The following CACNA2D4 variants were observed in gnomAD, a reference collection of about 807,000 sequenced individuals.
CACNA2D4 encodes the protein calcium voltage-gated channel auxiliary subunit alpha2delta 4.
In CACNA2D4, 157 loss-of-function variants were observed where a neutral mutation model predicts 163.8. The observed-to-expected ratio is 0.96, with a 90% CI of 0.84 to 1.09. CACNA2D4 has a LOEUF of 1.09. Ranked by LOEUF, CACNA2D4 falls within the 50% of genes least tolerant of loss-of-function variation. CACNA2D4 has a pLI of 0.00. For missense variants in CACNA2D4, 1,410 were observed against 1,479.9 expected, an observed-to-expected ratio of 0.95 and a Z score of 0.78; for synonymous variants, 598 against 586.9, an observed-to-expected ratio of 1.02 and a Z score of -0.27.
At chr12:1,886,809 C>A (rs1467395640) in intron 7 of CACNA2D4, among the ~76,000 whole-genome samples, 200 bp downstream of exon 7, 1 of 152,140 alleles carries the variant, frequency 6.6e-6, no homozygotes, top group Non-Finnish European at 1.5e-5. Flanking sequence ...CAAACATGAT[C>A]AGTCCTGGAG....
Position 1,806,786 on chromosome 12 carries a change from A to C in CACNA2D4, c.2721+3492T>G, listed in dbSNP as rs1863552936. 6.6e-6 allele frequency among the ~76,000 whole-genome samples: 1 copy of C among 152,164 alleles called. No individual in the cohort carries two copies. The highest frequency in any genetic ancestry group is 6.5e-5 in the Admixed American group (1 of 15,282). On this transcript the variant is annotated intron_variant, in intron 29 of 37. Transcript: ENST00000382722. The surrounding 1 kb of genome is among the most constrained non-coding windows in gnomAD (Gnocchi z 4.1). ...CCTAGGTCTGGGGTGGGACCCTGGC[A>C]AATCTGCATCTCTAACAAGCTCCCA...
rs550017158 is a variant in CACNA2D4, at chr12:1,883,004, C to A, written c.1352-4G>T. 2 of 1,611,642 alleles carry A rather than the reference C, an allele frequency of 1.2e-6. No individual in the cohort carries two copies. The highest frequency in any genetic ancestry group is 1.7e-6 in the Non-Finnish European group (2 of 1,178,946). ...GTTGAGATCTGCGTGTAGTAGCCTGCGGTGGGGAAGGCCGCGTGGGTGTGG... is the reference window on the plus strand; with the variant it reads ...GTTGAGATCTGCGTGTAGTAGCCTGAGGTGGGGAAGGCCGCGTGGGTGTGG... On this transcript the variant is annotated splice_polypyrimidine_tract_variant and splice_region_variant and intron_variant, in intron 12 of 37. Coordinates refer to ENST00000382722, the MANE Select transcript of CACNA2D4 (RefSeq NM_172364.5). The surrounding 1 kb of genome is among the most constrained non-coding windows in gnomAD (Gnocchi z 4.5).
rs992361484 is a variant in CACNA2D4, at chr12:1,792,518, A to T, written c.*1137T>A. ...CATCACTGGGGTTTGTTAAATGGAA[A>T]GATTTGAGGCCGGCCTCTCCCACAT... On this transcript the variant is annotated 3_prime_UTR_variant, in exon 38 of 38. Coordinates refer to ENST00000382722, the MANE Select transcript of CACNA2D4 (RefSeq NM_172364.5). 3.3e-5 allele frequency: 5 copies of T among 152,246 alleles called. No individual in the cohort carries two copies. The highest frequency in any genetic ancestry group is 5.9e-5 in the Non-Finnish European group (4 of 68,082). 9.4% of individuals were successfully genotyped at this position (152,246 alleles called of 1,614,324 possible). A position where few individuals can be genotyped will look rare whatever the true frequency, so the allele number is the denominator to read the frequency against.
At chr12:1,866,381 C>A (rs768791611) in intron 18 of CACNA2D4, among the ~76,000 whole-genome samples, 7 of 152,204 alleles carry the variant, frequency 4.6e-5, no homozygotes, top group Non-Finnish European at 8.8e-5. Context: ...ACAAACCCCA[C>A]AATGCAACAT....
At position 1,878,229 on chromosome 12, in the gene CACNA2D4, G is replaced by A; in HGVS notation, c.1719+86C>T. On this transcript the variant is annotated intron_variant, in intron 16 of 37. Transcript: ENST00000382722. This position sits in a 1 kb window ranked among gnomAD's most constrained non-coding sequence, Gnocchi z 4.6. ...ACTGGGTTCCTAAATGGAGCCCAAT[G>A]TGTGTTTGTTGTTTTAATCGTTTTT... is the stretch of plus-strand genomic sequence containing the variant. The A allele has an allele frequency of 6.9e-7, 1 of 1,448,562 alleles. No homozygotes were observed. Among genetic ancestry groups the A allele is most frequent in the Non-Finnish European group, 9.5e-7 (1 of 1,052,966 alleles). The allele number at this position is 1,448,562 out of a possible 1,614,324, so 89.7% of individuals were successfully genotyped here.
chr12:1,918,528 G>A lies in CACNA2D4; in HGVS notation c.-55C>T, dbSNP rs1054787872. ...AGGACGCCCCAGGCCTTTGTCTTCCGTGCCTTGGCGAGCCTGGGGTCTCCA... is the reference window on the plus strand; with the variant it reads ...AGGACGCCCCAGGCCTTTGTCTTCCATGCCTTGGCGAGCCTGGGGTCTCCA... On this transcript the variant is annotated 5_prime_UTR_variant, in exon 1 of 38. In the 5' UTR this introduces an upstream ATG that the reference lacks. Coordinates refer to ENST00000382722, the MANE Select transcript of CACNA2D4 (RefSeq NM_172364.5). The A allele has an allele frequency of 6.1e-5, 87 of 1,419,236 alleles. No homozygotes were observed. The highest frequency in any genetic ancestry group is 8.6e-5 in the African/African-American group (6 of 69,474). The allele number at this position is 1,419,236 out of a possible 1,614,324, so 87.9% of individuals were successfully genotyped here.
At position 1,795,336 on chromosome 12, in the gene CACNA2D4, C is replaced by T. The variant is rs772642356; in HGVS notation, c.3272G>A (p.Arg1091His). Residue 1091 changes from arginine to histidine, a missense_variant, in exon 37 of 38, where the codon CGC (arginine) becomes CAC (histidine). Arg to His is a conservative substitution (Grantham distance 29). Coordinates refer to ENST00000382722, the MANE Select transcript of CACNA2D4 (RefSeq NM_172364.5). The part of the protein sequence containing the change: ...KCDRMRSQKL[R>H]RRPDSCHAFH... ...GGCGTGGCAGGAGTCTGGTCGCCGG[C>T]GGAGCTTCTGGGAGCGCATCCGGTC... 7 of 1,612,682 alleles carry T rather than the reference C, an allele frequency of 4.3e-6. No individual in the cohort carries two copies. In the African/African-American group the frequency reaches 5.3e-5, roughly 12 times the overall value.
Position 1,820,749 on chromosome 12 carries a change from A to T in CACNA2D4, c.2552-9026T>A, listed in dbSNP as rs2154446350. On this transcript the variant is annotated intron_variant, in intron 26 of 37. Coordinates refer to ENST00000382722, the MANE Select transcript of CACNA2D4 (RefSeq NM_172364.5). The surrounding 1 kb of genome is among the most constrained non-coding windows in gnomAD (Gnocchi z 6.0). ...GTGTCTGGATTTCTATAGGAATCCC[A>T]GGAGGGTCTTACTGGAGGGTTGAGA... 1 of 152,488 alleles carries T rather than the reference A, an allele frequency of 6.6e-6. No homozygotes were observed. Among genetic ancestry groups the T allele is most frequent in the East Asian group, 1.9e-4 (1 of 5,202 alleles). The allele number at this position is 152,488 out of a possible 1,614,324, so 9.4% of individuals were successfully genotyped here. A position where few individuals can be genotyped will look rare whatever the true frequency, so the allele number is the denominator to read the frequency against.
intron 20 of CACNA2D4, 26 bp downstream of exon 20, chr12:1,858,550 GT>G: frequency 1.2e-6 from 2 of 1,607,348 alleles, no homozygotes; most frequent in Non-Finnish European, 1.7e-6. Context: ...CTGCTTAACT[GT>G]CCCTCAGCCC....
chr12:1,888,170 A>T (rs1990232), intron 6 of CACNA2D4, among the ~76,000 whole-genome samples: 3 of 152,078 alleles, frequency 2.0e-5, no homozygotes, highest in Non-Finnish European at 4.4e-5. Context: ...TCCTGAGGCC[A>T]CATTCTTACA....
rs1863388378 is a variant in CACNA2D4 at position 1,802,893 on chromosome 12, G to T, written c.2722-1249C>A. On this transcript the variant is annotated intron_variant, in intron 29 of 37. Transcript: ENST00000382722. The surrounding 1 kb of genome is among the most constrained non-coding windows in gnomAD (Gnocchi z 4.7). Reference sequence around the variant, plus strand: ...TCTCACTCTGCCTGATAAGATATTTGGTTGAAAACTGTATGAGAACAGGAC... The same window carrying T: ...TCTCACTCTGCCTGATAAGATATTTTGTTGAAAACTGTATGAGAACAGGAC... Among the ~76,000 whole-genome samples the T allele has an allele frequency of 6.6e-6, 1 of 152,150 alleles. No homozygotes were observed. The highest frequency in any genetic ancestry group is 2.1e-4 in the South Asian group (1 of 4,822).
At chr12:1,809,106 T>A (rs1863630128) in intron 29 of CACNA2D4, among the ~76,000 whole-genome samples, 1 of 152,232 alleles carries the variant, frequency 6.6e-6, no homozygotes, top group African/African-American at 2.4e-5. Flanking sequence ...AGGAGTTAGA[T>A]TTCATGACCC....
In CACNA2D4 at chr12:1,856,070, C is replaced by A. The variant is rs751874126; in HGVS notation, c.2094G>T (p.Lys698Asn). 7 of 1,614,038 alleles carry A rather than the reference C, an allele frequency of 4.3e-6. No homozygotes were observed. Among genetic ancestry groups the A allele is most frequent in the African/African-American group, 2.7e-5 (2 of 75,066 alleles). The change falls in exon 22 of 38, where the codon AAG becomes AAT. Residue 698 changes from lysine (K) to asparagine (N), a missense_variant. Lys to Asn is a moderately conservative substitution (Grantham distance 94). Coordinates refer to ENST00000382722, the MANE Select transcript of CACNA2D4 (RefSeq NM_172364.5). ...CITDIDPDHR[K>N]LSQLEAMIRF... ...GGATCATGGCCTCTAGCTGGCTGAGCTTCCGGTGGTCTGGGTCAATATCTG... is the reference window on the plus strand; with the variant it reads ...GGATCATGGCCTCTAGCTGGCTGAGATTCCGGTGGTCTGGGTCAATATCTG...
At chr12:1,912,936 G>A (rs1866868294) in intron 3 of CACNA2D4, 87 bp downstream of exon 3, 2 of 779,888 alleles carry the variant, frequency 2.6e-6, no homozygotes, top group South Asian at 1.6e-5. Context: ...GGGGGAGGAT[G>A]CAGGGCCATG....
At chr12:1,796,965 C>G (rs1240961236) in intron 35 of CACNA2D4, among the ~76,000 whole-genome samples, 2 of 152,240 alleles carry the variant, frequency 1.3e-5, no homozygotes, top group Admixed American at 1.3e-4. Context: ...ACATCGCACA[C>G]TTCCGGCCTT....
At chr12:1,795,436 C>G in intron 36 of CACNA2D4, 55 bp from the exon 37 acceptor site, 2 of 1,528,994 alleles carry the variant, frequency 1.3e-6, no homozygotes, top group Non-Finnish European at 1.8e-6. Context: ...ATTCTGCAGA[C>G]TGGAAAAAGG....
Position 1,810,308 on chromosome 12 carries a change from C to G in CACNA2D4, c.2691G>C (p.Gly897=). 2 of 1,613,958 alleles carry G rather than the reference C, an allele frequency of 1.2e-6. No homozygotes were observed. Among genetic ancestry groups the G allele is most frequent in the Non-Finnish European group, 1.7e-6 (2 of 1,179,846 alleles). The change falls in exon 29 of 38, where the codon GGG becomes GGC. Residue 897 remains glycine (G), a synonymous_variant. Coordinates refer to ENST00000382722, the MANE Select transcript of CACNA2D4 (RefSeq NM_172364.5). Reference sequence around the variant, plus strand: ...GGGACCTCTTGGAGATCAGAATGAACCCGTTGTTGTCGATGACGAAGCAGT... The same window carrying G: ...GGGACCTCTTGGAGATCAGAATGAAGCCGTTGTTGTCGATGACGAAGCAGT... ...DLDCFVIDNN[G]FILISKRSRE... is the part of the protein sequence containing the mutation.
chr12:1,796,129 G>T (rs972797550), intron 35 of CACNA2D4, among the ~76,000 whole-genome samples: 1 of 152,248 alleles, frequency 6.6e-6, no homozygotes, highest in African/African-American at 2.4e-5. Flanking sequence ...GGCAACACTT[G>T]CTCTGGGTGA....
intron 6 of CACNA2D4, among the ~76,000 whole-genome samples, chr12:1,890,697 C>T: frequency 6.6e-6 from 1 of 152,230 alleles, no homozygotes; most frequent in African/African-American, 2.4e-5. Context: ...TTGCCTACCA[C>T]AGCCAGTGTC....
Sources: allele counts gnomAD v4.1 joint callset (sites outside exome capture counted in the v4.1 genomes callset), GRCh38; gene constraint gnomAD v4.1.1; non-coding constraint Gnocchi (gnomAD v3.1); transcripts MANE v1.5; gene names NCBI Gene and HGNC (gene_info 2026-07-23, HGNC 2026-07-21).